CARD10: variants seen among roughly 807,000 people sequenced by gnomAD.
CARD10 encodes caspase recruitment domain family member 10, also known as caspase recruitment domain-containing protein 10.
CARD10 carries 49 observed loss-of-function variants against 114.6 expected under a neutral mutation model. That is an observed-to-expected ratio of 0.43 (90% CI 0.34 to 0.54). CARD10 has a LOEUF of 0.54. Among genes scored for constraint, CARD10 ranks in the 20% least tolerant of loss-of-function variants. The pLI is 0.03. For missense variants in CARD10, 1,206 were observed against 1,397.2 expected, an observed-to-expected ratio of 0.86 and a Z score of 2.18; for synonymous variants, 602 against 593.2, an observed-to-expected ratio of 1.01 and a Z score of -0.21.
rs893656546 is a variant in CARD10, at chr22:37,495,582, G to A, written c.2308C>T (p.Gln770Ter). 2 of 1,613,430 alleles carry A rather than the reference G, an allele frequency of 1.2e-6. No individual in the cohort carries two copies. Among genetic ancestry groups the A allele is most frequent in the African/African-American group, 1.3e-5 (1 of 74,910 alleles). The part of the protein sequence containing the change: ...RGTVPNYQRA[Q>*]QLLEVQEKCL... ...TTCTCCTGAACTTCTAGGAGCTGCTGGGCTCTGTGGGAGGGAGTGACATCA... is the reference window on the plus strand; with the variant it reads ...TTCTCCTGAACTTCTAGGAGCTGCTAGGCTCTGTGGGAGGGAGTGACATCA... Residue 770 changes from glutamine to a stop codon, truncating the protein, a stop_gained, in exon 15 of 20, where the codon CAG (glutamine) becomes TAG (stop). Coordinates refer to ENST00000251973, the MANE Select transcript of CARD10 (RefSeq NM_014550.4). LOFTEE classifies it high-confidence loss of function.
Position 37,519,271 on chromosome 22 carries a change from CG to C in CARD10, c.-72del, listed in dbSNP as rs1923950871. 2 of 1,389,852 alleles carry C rather than the reference CG, an allele frequency of 1.4e-6. No homozygotes were observed. Among genetic ancestry groups the C allele is most frequent in the African/African-American group, 1.5e-5 (1 of 65,872 alleles). The allele number at this position is 1,389,852 out of a possible 1,614,324, so 86.1% of individuals were successfully genotyped here. ...CCAGGGCTCCCTAGGGCTAGATGTGCGGCCAAGCACCCCCGGGGCGTCGTCC... is the reference window on the plus strand; with the variant it reads ...CCAGGGCTCCCTAGGGCTAGATGTGCGCCAAGCACCCCCGGGGCGTCGTCC... On this transcript the variant is annotated 5_prime_UTR_variant, in exon 1 of 20. Transcript: ENST00000251973. The surrounding 1 kb of genome is among the most constrained non-coding windows in gnomAD (Gnocchi z 4.1).
chr22:37,502,082 C>T lies in CARD10; in HGVS notation c.1787+520G>A, dbSNP rs372311137. Reference sequence around the variant, plus strand: ...GGCCACACTAACAGCACGTCGCCTACAGTGCACTCTGCACTAATGGGCTTT... The same window carrying T: ...GGCCACACTAACAGCACGTCGCCTATAGTGCACTCTGCACTAATGGGCTTT... On this transcript the variant is annotated intron_variant, in intron 11 of 19. Coordinates refer to ENST00000251973, the MANE Select transcript of CARD10 (RefSeq NM_014550.4). Among the ~76,000 whole-genome samples, 28 of 152,352 alleles carry T rather than the reference C, an allele frequency of 1.8e-4. No individual in the cohort carries two copies. In the South Asian group the frequency reaches 5.6e-3, roughly 30 times the overall value.
rs1285958364 is a variant in CARD10, at chr22:37,491,911, C to T, written c.2752-44G>A. On this transcript the variant is annotated intron_variant, in intron 18 of 19. Coordinates refer to ENST00000251973, the MANE Select transcript of CARD10 (RefSeq NM_014550.4). ...CTACAATGTACTCCTGGGCCACAGA[C>T]ATCAGCCTCCCATGCGCTGCCCCCA... 2.2e-6 allele frequency: 3 copies of T among 1,359,182 alleles called. No individual in the cohort carries two copies. In the Admixed American group the frequency reaches 5.0e-5, roughly 23 times the overall value. 84.2% of individuals were successfully genotyped at this position (1,359,182 alleles called of 1,614,324 possible).
Position 37,490,776 on chromosome 22 carries a change from G to T in CARD10, c.*383C>A. 5.0e-6 allele frequency: 1 copy of T among 201,496 alleles called. No homozygotes were observed. The allele number at this position is 201,496 out of a possible 1,614,324, so 12.5% of individuals were successfully genotyped here. A position where few individuals can be genotyped will look rare whatever the true frequency, so the allele number is the denominator to read the frequency against. ...CAGGCCCAGGTCCTCAGGAGACCTC[G>T]TGCCCAGGGCAGCGGGACAGACCTG... On this transcript the variant is annotated 3_prime_UTR_variant, in exon 20 of 20. Coordinates refer to ENST00000251973, the MANE Select transcript of CARD10 (RefSeq NM_014550.4).
In CARD10 at chr22:37,496,423, A is replaced by C; in HGVS notation, c.2059+26T>G. 2 of 1,556,610 alleles carry C rather than the reference A, an allele frequency of 1.3e-6. No homozygotes were observed. Among genetic ancestry groups the C allele is most frequent in the Non-Finnish European group, 1.8e-6 (2 of 1,129,968 alleles). On this transcript the variant is annotated intron_variant, in intron 13 of 19. Coordinates refer to ENST00000251973, the MANE Select transcript of CARD10 (RefSeq NM_014550.4). This position sits in a 1 kb window ranked among gnomAD's most constrained non-coding sequence, Gnocchi z 4.1. ...GTTAGAGGACCCCTCTGGGGCCAAC[A>C]GCTCCGACTCCCAAGCCAGACTTAC...
Position 37,492,388 on chromosome 22 carries a change from C to T in CARD10, c.2751+47G>A. The T allele has an allele frequency of 7.2e-7, 1 of 1,379,636 alleles. No homozygotes were observed. The highest frequency in any genetic ancestry group is 9.8e-7 in the Non-Finnish European group (1 of 1,015,788). The allele number at this position is 1,379,636 out of a possible 1,614,324, so 85.5% of individuals were successfully genotyped here. A position where few individuals can be genotyped will look rare whatever the true frequency, so the allele number is the denominator to read the frequency against. ...CTCAAGCCCAGAACAGCAGCACCCGCTCTGGGCCACCTCTGTGAGCACCCC... is the reference window on the plus strand; with the variant it reads ...CTCAAGCCCAGAACAGCAGCACCCGTTCTGGGCCACCTCTGTGAGCACCCC... On this transcript the variant is annotated intron_variant, in intron 18 of 19. Coordinates refer to ENST00000251973, the MANE Select transcript of CARD10 (RefSeq NM_014550.4). The surrounding 1 kb of genome is among the most constrained non-coding windows in gnomAD (Gnocchi z 5.7).
At chr22:37,498,834 G>A (rs1279100297) in intron 11 of CARD10, among the ~76,000 whole-genome samples, 1 of 146,170 alleles carries the variant, frequency 6.8e-6, no homozygotes, top group Non-Finnish European at 1.5e-5. Context: ...GCCGGCTGCT[G>A]AGCGTCAGTT....
chr22:37,504,495 G>T, intron 8 of CARD10, 140 bp downstream of exon 8: 4 of 1,356,370 alleles, frequency 2.9e-6, no homozygotes, highest in South Asian at 3.4e-5. Context: ...ATGGTTCTGG[G>T]TGAGCTTCAG....
At chr22:37,498,483 G>A (rs989711354) in intron 11 of CARD10, among the ~76,000 whole-genome samples, 6 of 152,190 alleles carry the variant, frequency 3.9e-5, no homozygotes, top group African/African-American at 1.4e-4. Context: ...GCAGCGGGGC[G>A]AAGCATCTCC....
chr22:37,495,905 C>G lies in CARD10; in HGVS notation c.2158G>C (p.Asp720His). The change falls in exon 14 of 20, where the codon GAT becomes CAT. Residue 720 changes from aspartate to histidine, a missense_variant. By Grantham distance (81) the Asp-to-His change is moderately conservative (BLOSUM62 -1). Coordinates refer to ENST00000251973, the MANE Select transcript of CARD10 (RefSeq NM_014550.4). ...RANLTLPERA[D>H]PHALCVKAQE... ...GCTTTCACGCAAAGGGCATGGGGAT[C>G]TGCCCTCTCAGGCAAGGTGAGGTTG... 7.4e-6 allele frequency: 12 copies of G among 1,614,164 alleles called. No individual in the cohort carries two copies. Among genetic ancestry groups the G allele is most frequent in the Non-Finnish European group, 1.0e-5 (12 of 1,180,050 alleles).
At position 37,510,402 on chromosome 22, in the gene CARD10, T is replaced by C. The variant is rs757018451; in HGVS notation, c.719A>G (p.Lys240Arg). The C allele has an allele frequency of 5.6e-6, 9 of 1,613,642 alleles. No homozygotes were observed. The highest frequency in any genetic ancestry group is 1.7e-5 in the Admixed American group (1 of 60,012). ...ACACTCTTCCTCCAGCCGACTCACT[T>C]TGAGCTTGAGCTGATCCACCTGGAG... ...LQLAVDQLKL[K>R]VSRLEEECAL... The change falls in exon 4 of 20, where the codon AAA becomes AGA. Residue 240 changes from lysine to arginine, a missense_variant. Transcript: ENST00000251973.
intron 4 of CARD10, chr22:37,509,127 A>T (rs918475791): frequency 2.7e-6 from 4 of 1,501,576 alleles, no homozygotes; most frequent in Non-Finnish European, 3.6e-6. Context: ...TCTTGCCCCC[A>T]GACCCACACC....
intron 3 of CARD10, among the ~76,000 whole-genome samples, chr22:37,513,203 C>T (rs955203402): frequency 5.3e-5 from 8 of 152,092 alleles, no homozygotes; most frequent in South Asian, 2.1e-4. Flanking sequence ...CTCCACCTCC[C>T]GGGTTCAAGC....
chr22:37,496,394 A>T lies in CARD10; in HGVS notation c.2059+55T>A. ...TTGGTCCCTCCCCACCCCATGCACC[A>T]CGGGTTAGAGGACCCCTCTGGGGCC... On this transcript the variant is annotated intron_variant, in intron 13 of 19. Coordinates refer to ENST00000251973, the MANE Select transcript of CARD10 (RefSeq NM_014550.4). The surrounding 1 kb of genome is among the most constrained non-coding windows in gnomAD (Gnocchi z 4.1). 4.5e-6 allele frequency: 6 copies of T among 1,319,430 alleles called. No homozygotes were observed. The highest frequency in any genetic ancestry group is 6.5e-6 in the Non-Finnish European group (6 of 927,592). The allele number at this position is 1,319,430 out of a possible 1,614,324, so 81.7% of individuals were successfully genotyped here. A position where few individuals can be genotyped will look rare whatever the true frequency, so the allele number is the denominator to read the frequency against.
At chr22:37,494,025 C>T in intron 16 of CARD10, 61 bp downstream of exon 16, 1 of 1,258,198 alleles carries the variant, frequency 7.9e-7, no homozygotes, top group Non-Finnish European at 1.1e-6. Context: ...GGACACTCAG[C>T]TGCACACATC....
In CARD10 at chr22:37,501,845, G is replaced by A. The variant is rs987977817; in HGVS notation, c.1787+757C>T. ...ACTAAACCCTCCCACATTTCCCAGAGTGTACAAGCCAAAGTCCACACTTTC... is the reference window on the plus strand; with the variant it reads ...ACTAAACCCTCCCACATTTCCCAGAATGTACAAGCCAAAGTCCACACTTTC... On this transcript the variant is annotated intron_variant, in intron 11 of 19. Transcript: ENST00000251973. The surrounding 1 kb of genome is among the most constrained non-coding windows in gnomAD (Gnocchi z 5.4). Among the ~76,000 whole-genome samples the A allele has an allele frequency of 2.6e-5, 4 of 152,200 alleles. No homozygotes were observed. The highest frequency in any genetic ancestry group is 9.7e-5 in the African/African-American group (4 of 41,444).
At position 37,491,245 on chromosome 22, in the gene CARD10, G is replaced by C; in HGVS notation, c.3013C>G (p.Arg1005Gly). The C allele has an allele frequency of 6.4e-7, 1 of 1,566,390 alleles. No individual in the cohort carries two copies. The change falls in exon 20 of 20, where the codon CGC (arginine) becomes GGC (glycine). Residue 1005 changes from arginine to glycine, a missense_variant. Physicochemically the swap from Arg to Gly is moderately radical, Grantham distance 125. Around this residue, in one of 2 missense-constraint regions of CARD10, gnomAD observed 1,068 missense variants for 1,179.1 expected, o/e 0.91. Coordinates refer to ENST00000251973, the MANE Select transcript of CARD10 (RefSeq NM_014550.4). ...GCCTGCTCCTGCAGGATGCGGCCGC[G>C]CACCACCTTGGCCAGCTCCTCTGCG... Reference protein sequence around the residue: ...GHAEELAKVVRGRILQEQARL... With the variant: ...GHAEELAKVVGGRILQEQARL...
intron 3 of CARD10, 62 bp from the exon 4 acceptor site, chr22:37,510,483 G>C (rs998888807): frequency 6.7e-7 from 1 of 1,499,884 alleles, no homozygotes. Flanking sequence ...GGTTACAGGG[G>C]TGGGAAGACC....
At position 37,496,573 on chromosome 22, in the gene CARD10, CCAGG is replaced by C. The variant is rs752877017; in HGVS notation, c.1948-17_1948-14del. 5 of 1,597,634 alleles carry C rather than the reference CCAGG, an allele frequency of 3.1e-6. No homozygotes were observed. The highest frequency in any genetic ancestry group is 4.3e-6 in the Non-Finnish European group (5 of 1,166,932). On this transcript the variant is annotated splice_polypyrimidine_tract_variant and intron_variant, in intron 12 of 19. Coordinates refer to ENST00000251973, the MANE Select transcript of CARD10 (RefSeq NM_014550.4). The surrounding 1 kb of genome is among the most constrained non-coding windows in gnomAD (Gnocchi z 4.1). Reference sequence around the variant, plus strand: ...CTTCCACCCTTTGCTGGGAGAAAACCCAGGCAGGGAGGGAAAGAAGTGAGCCTCT... The same window carrying C: ...CTTCCACCCTTTGCTGGGAGAAAACCCAGGGAGGGAAAGAAGTGAGCCTCT...
Sources: allele counts gnomAD v4.1 joint callset (sites outside exome capture counted in the v4.1 genomes callset), GRCh38; gene constraint gnomAD v4.1.1; regional missense constraint gnomAD v4.1.1; non-coding constraint Gnocchi (gnomAD v3.1); transcripts MANE v1.5; gene names NCBI Gene and HGNC (gene_info 2026-07-23, HGNC 2026-07-21).